Variants in CHCHD3 observed in about 807,000 individuals in gnomAD.
The protein encoded by CHCHD3 is coiled-coil-helix-coiled-coil-helix domain containing 3, also known as MICOS complex subunit MIC19.
In CHCHD3, 20 loss-of-function variants were observed where a neutral mutation model predicts 38.2. The observed-to-expected ratio is 0.52, with a 90% CI of 0.37 to 0.76. The LOEUF (loss-of-function observed/expected upper bound fraction) is 0.76, where lower values mean the gene tolerates loss of function less well. CHCHD3 is among the 30% of genes least tolerant of loss of function. The pLI, the probability that CHCHD3 is intolerant of heterozygous loss-of-function variation, is 0.00. For missense variants in CHCHD3, 245 were observed against 279.2 expected (o/e 0.88, Z 0.87); for synonymous variants, 82 against 100.0 (o/e 0.82, Z 1.07).
chr7:132,881,086 A>G (rs1809040575), intron 5 of CHCHD3, among the ~76,000 whole-genome samples: 1 of 152,194 alleles, frequency 6.6e-6, no homozygotes, highest in Admixed American at 6.5e-5. Flanking sequence ...AAGGACTTAA[A>G]AAATCTTTTC....
intron 3 of CHCHD3, among the ~76,000 whole-genome samples, chr7:133,024,318 C>G (rs1489254891): frequency 2.0e-5 from 3 of 152,158 alleles, no homozygotes; most frequent in Middle Eastern, 3.2e-3. Context: ...ATTCAAGCAA[C>G]CAATACAAGA....
At chr7:132,892,677 C>A (rs1489472250) in intron 4 of CHCHD3, among the ~76,000 whole-genome samples, 1 of 152,188 alleles carries the variant, frequency 6.6e-6, no homozygotes, top group Non-Finnish European at 1.5e-5. Flanking sequence ...AGACCCAGGG[C>A]ACTGCTGCTG....
intron 5 of CHCHD3, among the ~76,000 whole-genome samples, chr7:132,862,674 T>A (rs1230410085): frequency 6.6e-6 from 1 of 152,206 alleles, no homozygotes; most frequent in Non-Finnish European, 1.5e-5. Context: ...TTAATAGCAT[T>A]TACATAGAGT....
chr7:133,008,464 G>T (rs1812766012), intron 3 of CHCHD3, among the ~76,000 whole-genome samples: 1 of 149,968 alleles, frequency 6.7e-6, no homozygotes, highest in Admixed American at 6.6e-5. Context: ...TCATGGTGAA[G>T]GAAGGAGATA....
At chr7:132,965,899 G>A (rs1468290668) in intron 4 of CHCHD3, among the ~76,000 whole-genome samples, 1 of 152,156 alleles carries the variant, frequency 6.6e-6, no homozygotes, top group East Asian at 1.9e-4. Context: ...GAAGAAGGGG[G>A]AAAAGCTAGC....
intron 6 of CHCHD3, among the ~76,000 whole-genome samples, chr7:132,803,158 C>G (rs28730552): frequency 0.014 from 2,104 of 152,142 alleles, 50 homozygotes; most frequent in African/African-American, 0.048. Flanking sequence ...ATAGAAGTAG[C>G]CCTTGGTTAT....
At chr7:132,928,027 G>C (rs747301928) in intron 4 of CHCHD3, among the ~76,000 whole-genome samples, 4 of 152,144 alleles carry the variant, frequency 2.6e-5, no homozygotes, top group Admixed American at 6.5e-5. Flanking sequence ...AACCGAGCCA[G>C]GTTCCAGAAG....
intron 4 of CHCHD3, among the ~76,000 whole-genome samples, chr7:132,893,078 C>A (rs1160010072): frequency 6.6e-6 from 1 of 152,176 alleles, no homozygotes; most frequent in African/African-American, 2.4e-5. Context: ...ATGGTAGATC[C>A]ACTGACAGCT....
At chr7:132,848,835 C>G (rs1808144021) in intron 5 of CHCHD3, among the ~76,000 whole-genome samples, 1 of 152,154 alleles carries the variant, frequency 6.6e-6, no homozygotes, top group Non-Finnish European at 1.5e-5. Context: ...CTTCTTAAAC[C>G]TATGGCCTTG....
chr7:132,905,506 C>A (rs1329692538), intron 4 of CHCHD3, among the ~76,000 whole-genome samples: 2 of 151,858 alleles, frequency 1.3e-5, no homozygotes, highest in African/African-American at 4.8e-5. Flanking sequence ...GGGCTTAACA[C>A]CTAGGTGATG....
intron 4 of CHCHD3, among the ~76,000 whole-genome samples, chr7:132,891,886 G>C (rs1809370678): frequency 6.6e-6 from 1 of 152,126 alleles, no homozygotes; most frequent in Non-Finnish European, 1.5e-5. Context: ...TCACTCTCTG[G>C]CTTGCCGTGT....
chr7:132,892,697 T>G (rs1230403084), intron 4 of CHCHD3, among the ~76,000 whole-genome samples: 1 of 152,130 alleles, frequency 6.6e-6, no homozygotes, highest in African/African-American at 2.4e-5. Flanking sequence ...GTGTGCAGCC[T>G]CAGGACTTGG....
intron 1 of CHCHD3, 47 bp from the exon 2 acceptor site, chr7:133,070,276 CA>C (rs1562953888): frequency 3.3e-6 from 5 of 1,499,698 alleles, no homozygotes; most frequent in South Asian, 1.1e-5. Context: ...ACAGCAAGAT[CA>C]AAAACCAGTG....
intron 5 of CHCHD3, among the ~76,000 whole-genome samples, chr7:132,872,482 A>G (rs1021373242): frequency 2.0e-5 from 3 of 152,210 alleles, no homozygotes; most frequent in East Asian, 1.9e-4. Flanking sequence ...CCCACAGTAC[A>G]GGGCCAGCTT....
At chr7:133,042,355 C>A (rs1411637312) in intron 2 of CHCHD3, among the ~76,000 whole-genome samples, 1 of 152,168 alleles carries the variant, frequency 6.6e-6, no homozygotes, top group Non-Finnish European at 1.5e-5. Flanking sequence ...TGAATACTCA[C>A]AAAGACACAC....
intron 4 of CHCHD3, among the ~76,000 whole-genome samples, chr7:132,904,133 C>T (rs6973080): frequency 0.021 from 3,268 of 152,008 alleles, 143 homozygotes; most frequent in African/African-American, 0.074. Flanking sequence ...TGGTGGCATG[C>T]GCCTGTAGTC....
intron 5 of CHCHD3, among the ~76,000 whole-genome samples, chr7:132,868,477 G>C (rs1471471468): frequency 6.6e-6 from 1 of 152,134 alleles, no homozygotes; most frequent in Non-Finnish European, 1.5e-5. Context: ...AGCCGTCTGT[G>C]AAGGTTTTCT....
At chr7:132,881,992 AG>A (rs1326633900) in intron 5 of CHCHD3, among the ~76,000 whole-genome samples, 1 of 152,212 alleles carries the variant, frequency 6.6e-6, no homozygotes, top group Non-Finnish European at 1.5e-5. Flanking sequence ...AAACAAAAAC[AG>A]GACTGTACAG....
At position 132,945,905 on chromosome 7, in the gene CHCHD3, A is replaced by AT. The variant is rs200626119; in HGVS notation, c.369+29263_369+29264insA. Among the ~76,000 whole-genome samples the AT allele has an allele frequency of 9.5e-3, 1,449 of 152,020 alleles. 25 individuals are homozygous for AT. Among genetic ancestry groups the AT allele is most frequent in the African/African-American group, 0.033 (1,363 of 41,548 alleles). On this transcript the variant is annotated intron_variant, in intron 4 of 7. Coordinates refer to ENST00000262570, the MANE Select transcript of CHCHD3 (RefSeq NM_017812.4). ...TAGCAATTATGCTCATGAACATGAG[A>AT]AATTCTATGAAGCATAATCTTCAGA...
Sources: allele counts gnomAD v4.1 joint callset (sites outside exome capture counted in the v4.1 genomes callset), GRCh38; gene constraint gnomAD v4.1.1; transcripts MANE v1.5; gene names NCBI Gene and HGNC (gene_info 2026-07-23, HGNC 2026-07-21).